TMEM132C: variants seen among roughly 807,000 people sequenced by gnomAD.
TMEM132C encodes transmembrane protein 132C, also known as protein phosphatase 1, regulatory subunit 152.
In TMEM132C, 29 loss-of-function variants were observed where a neutral mutation model predicts 61.4. The observed-to-expected ratio is 0.47, with a 90% CI of 0.35 to 0.64. TMEM132C has a LOEUF of 0.64. Among genes scored for constraint, TMEM132C ranks in the 30% least tolerant of loss-of-function variants. TMEM132C has a pLI of 0.00. For missense variants in TMEM132C, 1,408 were observed against 1,476.9 expected, an observed-to-expected ratio of 0.95 and a Z score of 0.76; for synonymous variants, 656 against 633.1, an observed-to-expected ratio of 1.04 and a Z score of -0.54.
At chr12:128,317,856 C>T (rs1048778532) in intron 1 of TMEM132C, among the ~76,000 whole-genome samples, 8 of 152,162 alleles carry the variant, frequency 5.3e-5, no homozygotes, top group Non-Finnish European at 1.0e-4. Context: ...TGGGATCACT[C>T]CACTGTACTC....
chr12:128,696,995 C>G (rs1277105227), intron 7 of TMEM132C, among the ~76,000 whole-genome samples: 1 of 152,152 alleles, frequency 6.6e-6, no homozygotes, highest in Non-Finnish European at 1.5e-5. Context: ...ATTTTAATAT[C>G]TATTCCAATT....
chr12:128,598,975 G>A (rs923335469), intron 3 of TMEM132C, among the ~76,000 whole-genome samples: 1 of 152,152 alleles, frequency 6.6e-6, no homozygotes, highest in Non-Finnish European at 1.5e-5. Flanking sequence ...CGGACCCCTT[G>A]CCAACTGGAT....
intron 2 of TMEM132C, among the ~76,000 whole-genome samples, chr12:128,541,966 A>C (rs1873775149): frequency 6.6e-6 from 1 of 151,914 alleles, no homozygotes; most frequent in Admixed American, 6.6e-5. Context: ...CCAGTTCCCC[A>C]CTCGCCCTGA....
intron 1 of TMEM132C, among the ~76,000 whole-genome samples, chr12:128,350,868 C>T (rs547126487): frequency 6.6e-6 from 1 of 152,098 alleles, no homozygotes; most frequent in African/African-American, 2.4e-5. Flanking sequence ...TTACTAGAGG[C>T]ACCAGTAGCT....
intron 1 of TMEM132C, among the ~76,000 whole-genome samples, chr12:128,327,052 C>T (rs1872544926): frequency 6.7e-6 from 1 of 149,936 alleles, no homozygotes; most frequent in Non-Finnish European, 1.5e-5. Flanking sequence ...CATCATAAGG[C>T]AAGTGGAGTC....
chr12:128,487,001 G>A (rs181447257), intron 2 of TMEM132C, among the ~76,000 whole-genome samples: 50 of 152,118 alleles, frequency 3.3e-4, no homozygotes, highest in African/African-American at 9.6e-4. Context: ...TTCTAAGGCT[G>A]TAAATTGCTA....
intron 1 of TMEM132C, among the ~76,000 whole-genome samples, chr12:128,355,733 G>T: frequency 6.6e-6 from 1 of 151,938 alleles, no homozygotes; most frequent in Non-Finnish European, 1.5e-5. Context: ...TAGACGCTCA[G>T]GCAAGCTCCC....
rs1418656155 is a variant in TMEM132C at position 128,630,967 on chromosome 12, G to A, written c.1305+14632G>A. On this transcript the variant is annotated intron_variant, in intron 4 of 8. Transcript: ENST00000435159. The surrounding 1 kb of genome is among the most constrained non-coding windows in gnomAD (Gnocchi z 4.3). ...GAATCGCTTGAACCTGGGAGGCGGA[G>A]GCTGCAATGAGCCGAGATCACGCCA... is the stretch of plus-strand genomic sequence containing the variant. 6.6e-6 allele frequency among the ~76,000 whole-genome samples: 1 copy of A among 152,172 alleles called. No homozygotes were observed. Among genetic ancestry groups the A allele is most frequent in the East Asian group, 1.9e-4 (1 of 5,196 alleles).
chr12:128,587,291 A>C (rs533790997), intron 3 of TMEM132C, among the ~76,000 whole-genome samples: 101 of 152,334 alleles, frequency 6.6e-4, no homozygotes, highest in African/African-American at 2.4e-3. Context: ...GTTCAAGAGC[A>C]AAGTGCCAGG....
At chr12:128,432,577 G>A (rs529991996) in intron 2 of TMEM132C, among the ~76,000 whole-genome samples, 261 of 152,344 alleles carry the variant, frequency 1.7e-3, no homozygotes, top group Non-Finnish European at 1.6e-3. Context: ...GATATCAGAA[G>A]TGGAGCCTGA....
chr12:128,373,184 G>T (rs921703522), intron 1 of TMEM132C, among the ~76,000 whole-genome samples: 1 of 152,020 alleles, frequency 6.6e-6, no homozygotes, highest in Non-Finnish European at 1.5e-5. Flanking sequence ...GTTTAACTCA[G>T]CTGTTTTGTC....
intron 3 of TMEM132C, among the ~76,000 whole-genome samples, chr12:128,555,712 C>CTT (rs1366121376): frequency 3.6e-4 from 50 of 140,548 alleles, no homozygotes; most frequent in African/African-American, 1.1e-3. Context: ...TGTTGCCTAA[C>CTT]TTTTTTTTTT....
intron 1 of TMEM132C, among the ~76,000 whole-genome samples, chr12:128,300,462 TTTTTTCTTCTGTGAAGAAAG>T (rs1377105980): frequency 3.9e-5 from 6 of 152,122 alleles, no homozygotes; most frequent in African/African-American, 1.4e-4. Context: ...GCTTCCTGCA[TTTTTTCTTCTGTGAAGAAAG>T]TTTTTCACAG....
intron 4 of TMEM132C, among the ~76,000 whole-genome samples, chr12:128,621,188 G>A (rs1018325114): frequency 9.9e-5 from 15 of 152,118 alleles, no homozygotes; most frequent in African/African-American, 3.4e-4. Flanking sequence ...TAACCAGTGG[G>A]AGGCACCAGA....
intron 2 of TMEM132C, among the ~76,000 whole-genome samples, chr12:128,474,788 C>T (rs780583782): frequency 1.3e-5 from 2 of 152,068 alleles, no homozygotes; most frequent in Non-Finnish European, 1.5e-5. Flanking sequence ...CTGTTGAAAA[C>T]CTCACAGTGG....
At chr12:128,386,944 C>A (rs1040761172) in intron 1 of TMEM132C, among the ~76,000 whole-genome samples, 1 of 151,834 alleles carries the variant, frequency 6.6e-6, no homozygotes. Flanking sequence ...ACCCGGGCAA[C>A]GTAGTGAGAC....
chr12:128,376,786 G>T (rs540973801), intron 1 of TMEM132C, among the ~76,000 whole-genome samples: 1 of 152,334 alleles, frequency 6.6e-6, no homozygotes, highest in East Asian at 1.9e-4. Flanking sequence ...CCGCTCATAG[G>T]TGTGTGCCCC....
intron 3 of TMEM132C, among the ~76,000 whole-genome samples, chr12:128,556,216 C>T (rs1593098856): frequency 6.6e-6 from 1 of 152,282 alleles, no homozygotes; most frequent in Non-Finnish European, 1.5e-5. Context: ...GAAGGGGCTT[C>T]TCCATTGCTT....
At chr12:128,659,743 G>A (rs762198279) in intron 4 of TMEM132C, among the ~76,000 whole-genome samples, 11 of 152,206 alleles carry the variant, frequency 7.2e-5, no homozygotes, top group African/African-American at 4.8e-5. Flanking sequence ...TGGATAGATA[G>A]ATTTAAGAGT....
Sources: gnomAD v4.1 joint callset for allele counts (sites outside exome capture counted in the v4.1 genomes callset) on GRCh38, gnomAD v4.1.1 for gene constraint, Gnocchi (gnomAD v3.1) non-coding constraint, MANE v1.5 for transcripts, NCBI Gene and HGNC (gene_info 2026-07-23, HGNC 2026-07-21) for gene names.